Variants in OMD observed in about 807,000 individuals in gnomAD.
OMD encodes the protein osteomodulin.
A neutral mutation model predicts 31.2 loss-of-function variants in OMD; 19 were observed. The observed-to-expected ratio is 0.61, with a 90% confidence interval of 0.42 to 0.89. OMD has a LOEUF of 0.89. Among genes scored for constraint, OMD ranks in the 40% least tolerant of loss-of-function variants. The pLI is 0.00. For missense variants in OMD, 448 were observed against 490.8 expected, an observed-to-expected ratio of 0.91 and a Z score of 0.82; for synonymous variants, 155 against 166.4, an observed-to-expected ratio of 0.93 and a Z score of 0.53.
chr9:92,419,715 A>G (rs188148862), intron 1 of OMD, among the ~76,000 whole-genome samples: 2 of 152,328 alleles, frequency 1.3e-5, no homozygotes, highest in African/African-American at 4.8e-5. Flanking sequence ...TGAATGTATC[A>G]TTTAGGAAAA....
rs535618617 is a variant in OMD at position 92,424,129 on chromosome 9, A to C, written c.-17+73T>G. On this transcript the variant is annotated intron_variant, in intron 1 of 2. Transcript: ENST00000375550. The stretch of plus-strand genomic sequence containing the variant: ...GATGCAGTCTATTTTAATATTAAAA[A>C]ATCCAATATACTTTTAAATTTTAAC... The C allele has an allele frequency of 6.6e-5, 10 of 152,336 alleles. No individual in the cohort carries two copies. The East Asian group carries it at 1.9e-3, about 29-fold the overall frequency. 9.4% of individuals were successfully genotyped at this position (152,336 alleles called of 1,614,324 possible).
Position 92,417,459 on chromosome 9 carries a change from C to G in OMD, c.100G>C (p.Glu34Gln). ...CCTGTTTGGTAATCATCATCTGGCT[C>G]TTGGTCATAGTCTTCATCCCACTGA... ...TYQWDEDYDQ[E>Q]PDDDYQTGFP... is the part of the protein sequence containing the mutation. Residue 34 changes from glutamate (E) to glutamine (Q), a missense_variant, in exon 2 of 3, where the codon GAG becomes CAG. Transcript: ENST00000375550. 1 of 1,613,874 alleles carries G rather than the reference C, an allele frequency of 6.2e-7. No homozygotes were observed. Among genetic ancestry groups the G allele is most frequent in the Non-Finnish European group, 8.5e-7 (1 of 1,179,918 alleles).
chr9:92,416,711 A>G lies in OMD; in HGVS notation c.848T>C (p.Val283Ala). 6.2e-7 allele frequency: 1 copy of G among 1,613,392 alleles called. No individual in the cohort carries two copies. The highest frequency in any genetic ancestry group is 8.5e-7 in the Non-Finnish European group (1 of 1,179,452). The part of the protein sequence containing the change: ...PYNIFNLPNI[V>A]ELSVGHNKLK... Reference sequence around the variant, plus strand: ...TTTGTTGTGTCCAACACTGAGTTCTACAATGTTGGGAAGATTAAAAATATT... The same window carrying G: ...TTTGTTGTGTCCAACACTGAGTTCTGCAATGTTGGGAAGATTAAAAATATT... Residue 283 changes from valine to alanine, a missense_variant, in exon 2 of 3, where the codon GTA becomes GCA. Physicochemically the swap from Val to Ala is moderately conservative, Grantham distance 64. Transcript: ENST00000375550.
rs551329581 is a variant in OMD, at chr9:92,419,053, G to A, written c.-16-1479C>T. ...GTCTTGTGGAGAATCAAATACACGTGCAGTAGAATGCAGGAGGAGGATATT... is the reference window on the plus strand; with the variant it reads ...GTCTTGTGGAGAATCAAATACACGTACAGTAGAATGCAGGAGGAGGATATT... On this transcript the variant is annotated intron_variant, in intron 1 of 2. Coordinates refer to ENST00000375550, the MANE Select transcript of OMD (RefSeq NM_005014.3). 1.1e-3 allele frequency among the ~76,000 whole-genome samples: 173 copies of A among 152,208 alleles called. 1 individual carries two copies. Among genetic ancestry groups the A allele is most frequent in the Admixed American group, 3.2e-3 (49 of 15,288 alleles).
Position 92,417,277 on chromosome 9 carries a change from C to G in OMD, c.282G>C (p.Gln94His). 1 of 1,614,018 alleles carries G rather than the reference C, an allele frequency of 6.2e-7. No homozygotes were observed. Among genetic ancestry groups the G allele is most frequent in the Non-Finnish European group, 8.5e-7 (1 of 1,179,970 alleles). ...KTIPNIPMHI[Q>H]QLYLQFNEIE... is the part of the protein sequence containing the mutation. Reference sequence around the variant, plus strand: ...TTTCATTGAACTGAAGGTAGAGTTGCTGAATGTGCATCGGAATATTTGGGA... The same window carrying G: ...TTTCATTGAACTGAAGGTAGAGTTGGTGAATGTGCATCGGAATATTTGGGA... The change falls in exon 2 of 3, where the codon CAG (glutamine) becomes CAC (histidine). Residue 94 changes from glutamine to histidine, a missense_variant. Transcript: ENST00000375550.
intron 1 of OMD, among the ~76,000 whole-genome samples, chr9:92,420,197 GT>G (rs1843745161): frequency 6.6e-6 from 1 of 152,088 alleles, no homozygotes; most frequent in Admixed American, 6.5e-5. Context: ...CTATCTCTAT[GT>G]AGTAACTCCA....
Position 92,415,245 on chromosome 9 carries a change from T to A in OMD, c.1173A>T (p.Glu391Asp), listed in dbSNP as rs546200406. Residue 391 changes from glutamate to aspartate, a missense_variant, in exon 3 of 3, where the codon GAA (glutamate) becomes GAT (aspartate). Transcript: ENST00000375550. ...RRFPDDDDES[E>D]DHDDPDNAHE... ...GAGCATTGTCAGGATCATCGTGATC[T>A]TCACTTTCATCATCATCATCTGGAA... 5.6e-6 allele frequency: 9 copies of A among 1,613,804 alleles called. No homozygotes were observed. In the South Asian group the frequency reaches 9.9e-5, roughly 18 times the overall value.
chr9:92,417,060 G>A lies in OMD; in HGVS notation c.499C>T (p.Leu167Phe), dbSNP rs1843636359. Residue 167 changes from leucine to phenylalanine, a missense_variant, in exon 2 of 3, where the codon CTC becomes TTC. Coordinates refer to ENST00000375550, the MANE Select transcript of OMD (RefSeq NM_005014.3). ...PFPLPKSLERLLLGYNEISKL... is the reference protein window; with the variant it reads ...PFPLPKSLERFLLGYNEISKL... ...GAGATTTCATTGTAACCAAGAAGGA[G>A]TCTTTCCAGAGATTTAGGAAGAGGA... 6.2e-7 allele frequency: 1 copy of A among 1,613,962 alleles called. No individual in the cohort carries two copies. Among genetic ancestry groups the A allele is most frequent in the East Asian group, 2.2e-5 (1 of 44,850 alleles).
chr9:92,422,119 C>T (rs1356409297), intron 1 of OMD, among the ~76,000 whole-genome samples: 4 of 151,758 alleles, frequency 2.6e-5, no homozygotes, highest in East Asian at 1.9e-4. Flanking sequence ...GGCACAATCT[C>T]GGCTCACTGC....
intron 1 of OMD, among the ~76,000 whole-genome samples, chr9:92,419,636 G>A (rs183273496): frequency 8.5e-5 from 13 of 152,236 alleles, no homozygotes; most frequent in Middle Eastern, 3.4e-3. Context: ...CCGCCTGGTC[G>A]TTGTTAGCAT....
In OMD at chr9:92,417,362, C is replaced by T. The variant is rs755953194; in HGVS notation, c.197G>A (p.Cys66Tyr). 4 of 1,614,016 alleles carry T rather than the reference C, an allele frequency of 2.5e-6. No homozygotes were observed. The South Asian group carries it at 3.3e-5, about 13-fold the overall frequency. Reference sequence around the variant, plus strand: ...TGATGGAAAGTTAGTTGGACAGAAGCATTCACTGACACAGCCTAAAGTATA... The same window carrying T: ...TGATGGAAAGTTAGTTGGACAGAAGTATTCACTGACACAGCCTAAAGTATA... ...HQYTLGCVSE[C>Y]FCPTNFPSSM... is the part of the protein sequence containing the mutation. Residue 66 changes from cysteine (C) to tyrosine (Y), a missense_variant, in exon 2 of 3, where the codon TGC becomes TAC. Coordinates refer to ENST00000375550, the MANE Select transcript of OMD (RefSeq NM_005014.3).
intron 1 of OMD, among the ~76,000 whole-genome samples, chr9:92,421,905 GA>G (rs1297501492): frequency 6.6e-6 from 1 of 152,106 alleles, no homozygotes; most frequent in Admixed American, 6.5e-5. Flanking sequence ...ACGGAGACAG[GA>G]AAGTCTTTTG....
At chr9:92,420,993 G>T (rs1489954278) in intron 1 of OMD, among the ~76,000 whole-genome samples, 2 of 152,118 alleles carry the variant, frequency 1.3e-5, no homozygotes, top group South Asian at 2.1e-4. Context: ...AATGTGGTTG[G>T]TTAACTCTTG....
intron 1 of OMD, among the ~76,000 whole-genome samples, chr9:92,419,663 G>A (rs1843728148): frequency 6.6e-6 from 1 of 152,158 alleles, no homozygotes; most frequent in African/African-American, 2.4e-5. Flanking sequence ...AGCTATGCAT[G>A]TACAAGTACT....
chr9:92,420,282 T>G (rs1362368706), intron 1 of OMD, among the ~76,000 whole-genome samples: 2 of 152,320 alleles, frequency 1.3e-5, no homozygotes, highest in East Asian at 1.9e-4. Context: ...CCCTCATCCA[T>G]ACCTCCCAAC....
intron 1 of OMD, among the ~76,000 whole-genome samples, chr9:92,423,711 TGAAAA>T (rs779369680): frequency 2.3e-4 from 35 of 152,146 alleles, no homozygotes; most frequent in African/African-American, 8.4e-4. Flanking sequence ...AAGAAGTAAA[TGAAAA>T]GAAAAACATT....
At chr9:92,418,521 A>C (rs1843688988) in intron 1 of OMD, among the ~76,000 whole-genome samples, 1 of 152,112 alleles carries the variant, frequency 6.6e-6, no homozygotes, top group Non-Finnish European at 1.5e-5. Context: ...ATCTATGATA[A>C]TAGCATGACA....
chr9:92,416,091 TTTATTTATTTTA>T (rs1843599095), intron 2 of OMD, among the ~76,000 whole-genome samples: 2 of 143,106 alleles, frequency 1.4e-5, no homozygotes, highest in African/African-American at 5.1e-5. Flanking sequence ...TATTTATTTA[TTTATTTATTTTA>T]TTTTTTTTTT....
At position 92,417,029 on chromosome 9, in the gene OMD, A is replaced by G. The variant is rs972078422; in HGVS notation, c.530T>C (p.Leu177Pro). Reference sequence around the variant, plus strand: ...TAGCCCATCCATAGCATTTGTCTGCAGTTTGGAGATTTCATTGTAACCAAG... The same window carrying G: ...TAGCCCATCCATAGCATTTGTCTGCGGTTTGGAGATTTCATTGTAACCAAG... ...LLLGYNEISK[L>P]QTNAMDGLVN... The change falls in exon 2 of 3, where the codon CTG (leucine) becomes CCG (proline). Residue 177 changes from leucine to proline, a missense_variant. Coordinates refer to ENST00000375550, the MANE Select transcript of OMD (RefSeq NM_005014.3). 8 of 1,614,088 alleles carry G rather than the reference A, an allele frequency of 5.0e-6. No individual in the cohort carries two copies. In the East Asian group the frequency reaches 1.8e-4, roughly 36 times the overall value.
Sources: gnomAD v4.1 joint callset for allele counts (sites outside exome capture counted in the v4.1 genomes callset) on GRCh38, gnomAD v4.1.1 for gene constraint, MANE v1.5 for transcripts, NCBI Gene and HGNC (gene_info 2026-07-23, HGNC 2026-07-21) for gene names.